SLC7A4: variants seen among roughly 807,000 people sequenced by gnomAD.
The protein encoded by SLC7A4 is cationic amino acid transporter 4.
In SLC7A4, 30 loss-of-function variants were observed where a neutral mutation model predicts 37.8. That is an observed-to-expected ratio of 0.79 (90% CI 0.59 to 1.08). SLC7A4 has a LOEUF of 1.08. SLC7A4 is among the 50% of genes least tolerant of loss of function. The pLI is 0.00. For missense variants in SLC7A4, 839 were observed against 843.2 expected (o/e 1.00, Z 0.06); for synonymous variants, 359 against 376.5 (o/e 0.95, Z 0.54).
Position 21,029,158 on chromosome 22 carries a change from G to C in SLC7A4, c.1805C>G (p.Ser602Cys). 6.2e-7 allele frequency: 1 copy of C among 1,614,028 alleles called. No homozygotes were observed. The highest frequency in any genetic ancestry group is 2.2e-5 in the East Asian group (1 of 44,880). ...CCTGGGGAATACCACGTAGTGTGTG[G>C]AGTTCAGCCCTGGCAGCTCCCGCTG... ...ENQRELPGLN[S>C]THYVVFPRGS... Residue 602 changes from serine to cysteine, a missense_variant, in exon 5 of 5, where the codon TCC becomes TGC. Transcript: ENST00000382932.
Position 21,029,096 on chromosome 22 carries a change from G to A in SLC7A4, c.1867C>T (p.Pro623Ser), listed in dbSNP as rs1179207483. ...LEETVQAMQP[P>S]SQAPAQDPGH... ...GGGTCCTGTGCTGGTGCCTGGCTGG[G>A]GGGCTGCATAGCCTGCACTGTCTCC... The change falls in exon 5 of 5, where the codon CCC (proline) becomes TCC (serine). Residue 623 changes from proline to serine, a missense_variant. By Grantham distance (74) the Pro-to-Ser change is moderately conservative (BLOSUM62 -1). Transcript: ENST00000382932. 4 of 1,612,534 alleles carry A rather than the reference G, an allele frequency of 2.5e-6. No homozygotes were observed. Among genetic ancestry groups the A allele is most frequent in the Admixed American group, 1.7e-5 (1 of 59,992 alleles).
Position 21,029,387 on chromosome 22 carries a change from G to C in SLC7A4, c.1681C>G (p.Leu561Val). The C allele has an allele frequency of 6.2e-7, 1 of 1,613,840 alleles. No individual in the cohort carries two copies. The highest frequency in any genetic ancestry group is 8.5e-7 in the Non-Finnish European group (1 of 1,179,984). The change falls in exon 4 of 5, where the codon CTG (leucine) becomes GTG (valine). Residue 561 changes from leucine to valine, a missense_variant. By Grantham distance (32) the Leu-to-Val change is conservative. Transcript: ENST00000382932. ...LSIVLNICLM[L>V]KLSYLTWVRF... ...ACCCAGGTCAGATAGCTAAGTTTCA[G>C]CATGAGGCAGATGTTGAGGACGATG... is the stretch of plus-strand genomic sequence containing the variant.
At position 21,031,771 on chromosome 22, in the gene SLC7A4, T is replaced by C. The variant is rs1928895214; in HGVS notation, c.42A>G (p.Leu14=). The C allele has an allele frequency of 6.4e-7, 1 of 1,552,114 alleles. No individual in the cohort carries two copies. The highest frequency in any genetic ancestry group is 1.4e-5 in the African/African-American group (1 of 73,074). ...GCTTCAGGCGGTTCAGCTTCTGGCA[T>C]AAGCGTGCCAGGCTAGCAATGGTGG... The part of the protein sequence containing the change: ...GLPTIASLAR[L]CQKLNRLKPL... Residue 14 remains leucine, a synonymous_variant, in exon 2 of 5, where the codon TTA becomes TTG. Coordinates refer to ENST00000382932, the MANE Select transcript of SLC7A4 (RefSeq NM_004173.3).
chr22:21,030,848 G>A lies in SLC7A4; in HGVS notation c.965C>T (p.Ala322Val), dbSNP rs779228402. 4.4e-6 allele frequency: 7 copies of A among 1,593,220 alleles called. No individual in the cohort carries two copies. Among genetic ancestry groups the A allele is most frequent in the Non-Finnish European group, 6.0e-6 (7 of 1,169,620 alleles). The stretch of plus-strand genomic sequence containing the variant: ...TCTCTCACCGCAGATGGAGCCAGCT[G>A]CCACGATGAAGCCAGCCCACCTGTA... ...RGYRWAGFIV[A>V]AGSICAMNTV... The change falls in exon 2 of 5, where the codon GCA becomes GTA. Residue 322 changes from alanine (A) to valine (V), a missense_variant. Transcript: ENST00000382932.
chr22:21,029,824 G>A lies in SLC7A4; in HGVS notation c.1510C>T (p.His504Tyr). 2 of 1,613,678 alleles carry A rather than the reference G, an allele frequency of 1.2e-6. No homozygotes were observed. Among genetic ancestry groups the A allele is most frequent in the Non-Finnish European group, 1.7e-6 (2 of 1,179,978 alleles). The part of the protein sequence containing the change: ...CVLVFGNSTL[H>Y]LPHWGYILLL... ...AGGATGTAACCCCAGTGTGGGAGGT[G>A]CAGGGTCGAGTTCCCAAAGACAAGC... is the stretch of plus-strand genomic sequence containing the variant. The change falls in exon 3 of 5, where the codon CAC (histidine) becomes TAC (tyrosine). Residue 504 changes from histidine to tyrosine, a missense_variant. Transcript: ENST00000382932.
intron 1 of SLC7A4, among the ~76,000 whole-genome samples, 185 bp downstream of exon 1, chr22:21,032,346 G>C (rs1015262675): frequency 3.3e-5 from 5 of 152,184 alleles, no homozygotes; most frequent in Non-Finnish European, 7.4e-5. Flanking sequence ...TGGCCAGGCT[G>C]GGGTATCCGC....
At position 21,029,788 on chromosome 22, in the gene SLC7A4, G is replaced by A. The variant is rs1342230813; in HGVS notation, c.1546C>T (p.Leu516Phe). The part of the protein sequence containing the change: ...PHWGYILLLL[L>F]TSVMFLLSLL... ...CTGAGCAGAAACATGACACTGGTGAGCAGGAGCAGCAGGATGTAACCCCAG... is the reference window on the plus strand; with the variant it reads ...CTGAGCAGAAACATGACACTGGTGAACAGGAGCAGCAGGATGTAACCCCAG... Residue 516 changes from leucine (L) to phenylalanine (F), a missense_variant, in exon 3 of 5, where the codon CTC becomes TTC. Transcript: ENST00000382932. The A allele has an allele frequency of 1.8e-5, 29 of 1,613,296 alleles. No homozygotes were observed. The East Asian group carries it at 6.2e-4, about 35-fold the overall frequency.
chr22:21,032,489 C>T, intron 1 of SLC7A4, 42 bp downstream of exon 1: 1 of 153,802 alleles, frequency 6.5e-6, no homozygotes, highest in Non-Finnish European at 1.4e-5. Context: ...TGGGCCTGAG[C>T]CCGTCCCAGT....
Position 21,029,059 on chromosome 22 carries a change from T to C in SLC7A4, c.1904A>G (p.Glu635Gly). 2 of 1,606,394 alleles carry C rather than the reference T, an allele frequency of 1.2e-6. No homozygotes were observed. Among genetic ancestry groups the C allele is most frequent in the Non-Finnish European group, 1.7e-6 (2 of 1,177,624 alleles). ...GGGCAAGTGTGGGCTGATCAGCTAC[T>C]CCATATGGCCAGGGTCCTGTGCTGG... ...QAPAQDPGHM[E>G] Residue 635 changes from glutamate to glycine, a missense_variant, in exon 5 of 5, where the codon GAG becomes GGG. Physicochemically the swap from Glu to Gly is moderately conservative, Grantham distance 98. Coordinates refer to ENST00000382932, the MANE Select transcript of SLC7A4 (RefSeq NM_004173.3).
In SLC7A4 at chr22:21,030,075, G is replaced by C. The variant is rs754571960; in HGVS notation, c.1259C>G (p.Pro420Arg). Residue 420 changes from proline to arginine, a missense_variant, in exon 3 of 5, where the codon CCC becomes CGC. Transcript: ENST00000382932. ...AGGGCTGGCTGGGCCTGGGGAGCTG[G>C]GCGGGGAAGACTTCTGGAAGCGCAG... is the stretch of plus-strand genomic sequence containing the variant. ...IVLRFQKSSPPSSPGPASPGP... is the reference protein window; with the variant it reads ...IVLRFQKSSPRSSPGPASPGP... The C allele has an allele frequency of 6.2e-7, 1 of 1,612,222 alleles. No homozygotes were observed. Among genetic ancestry groups the C allele is most frequent in the Non-Finnish European group, 8.5e-7 (1 of 1,179,320 alleles).
In SLC7A4 at chr22:21,031,710, G is replaced by A. The variant is rs746470718; in HGVS notation, c.103C>T (p.Arg35Cys). 1.3e-5 allele frequency: 21 copies of A among 1,612,678 alleles called. No homozygotes were observed. The highest frequency in any genetic ancestry group is 2.2e-5 in the South Asian group (2 of 91,040). Residue 35 changes from arginine (R) to cysteine (C), a missense_variant, in exon 2 of 5, where the codon CGC becomes TGC. Physicochemically the swap from Arg to Cys is radical, Grantham distance 180. Coordinates refer to ENST00000382932, the MANE Select transcript of SLC7A4 (RefSeq NM_004173.3). The part of the protein sequence containing the change: ...EDSTMETSLR[R>C]CLSTLDLTLL... ...GTCAGGTCCAGCGTGGACAGGCAGC[G>A]CCGCAGTGACGTCTCCATGGTGGAG...
Position 21,028,984 on chromosome 22 carries a change from C to A in SLC7A4, c.*71G>T. On this transcript the variant is annotated 3_prime_UTR_variant, in exon 5 of 5. Transcript: ENST00000382932. ...CCCAGGCTGCCCACAACAGAAGGGG[C>A]TCTCGGCTTGTCTGGCCTCTCTGGC... is the stretch of plus-strand genomic sequence containing the variant. 6.8e-7 allele frequency: 1 copy of A among 1,480,070 alleles called. No homozygotes were observed. The highest frequency in any genetic ancestry group is 1.3e-5 in the South Asian group (1 of 75,546). 91.7% of individuals were successfully genotyped at this position (1,480,070 alleles called of 1,614,324 possible). A position where few individuals can be genotyped will look rare whatever the true frequency, so the allele number is the denominator to read the frequency against.
In SLC7A4 at chr22:21,030,092, G is replaced by T; in HGVS notation, c.1242C>A (p.Phe414Leu). ...GGGAGCTGGGCGGGGAAGACTTCTG[G>T]AAGCGCAGCACAATGATACTGGTGG... The part of the protein sequence containing the change: ...FVATSIIVLR[F>L]QKSSPPSSPG... Residue 414 changes from phenylalanine (F) to leucine (L), a missense_variant, in exon 3 of 5, where the codon TTC (phenylalanine) becomes TTA (leucine). Phe to Leu is a conservative substitution (Grantham distance 22). Transcript: ENST00000382932. 3 of 1,612,666 alleles carry T rather than the reference G, an allele frequency of 1.9e-6. No individual in the cohort carries two copies. The South Asian group carries it at 3.3e-5, about 18-fold the overall frequency.
At position 21,030,216 on chromosome 22, in the gene SLC7A4, G is replaced by A. The variant is rs141120559; in HGVS notation, c.1118C>T (p.Ala373Val). The A allele has an allele frequency of 8.7e-5, 140 of 1,613,508 alleles. No individual in the cohort carries two copies. The highest frequency in any genetic ancestry group is 1.8e-4 in the East Asian group (8 of 44,874). ...CAGGAAGGCCGTGAGGAGCCCGAAC[G>A]CCAGGGTGCCCGCCACAGGCACCTG... Reference protein sequence around the residue: ...RTQVPVAGTLAFGLLTAFLAL... With the variant: ...RTQVPVAGTLVFGLLTAFLAL... Residue 373 changes from alanine to valine, a missense_variant, in exon 3 of 5, where the codon GCG becomes GTG. Ala to Val is a moderately conservative substitution (Grantham distance 64). Transcript: ENST00000382932.
At position 21,029,798 on chromosome 22, in the gene SLC7A4, C is replaced by T. The variant is rs760444559; in HGVS notation, c.1536G>A (p.Leu512=). 3 of 1,613,534 alleles carry T rather than the reference C, an allele frequency of 1.9e-6. No homozygotes were observed. The highest frequency in any genetic ancestry group is 2.5e-6 in the Non-Finnish European group (3 of 1,179,982). ...TLHLPHWGYI[L]LLLLTSVMFL... Reference sequence around the variant, plus strand: ...ACATGACACTGGTGAGCAGGAGCAGCAGGATGTAACCCCAGTGTGGGAGGT... The same window carrying T: ...ACATGACACTGGTGAGCAGGAGCAGTAGGATGTAACCCCAGTGTGGGAGGT... Residue 512 remains leucine, a synonymous_variant, in exon 3 of 5, where the codon CTG becomes CTA. Transcript: ENST00000382932.
chr22:21,030,121 C>T lies in SLC7A4; in HGVS notation c.1213G>A (p.Val405Met), dbSNP rs767320253. 9.9e-6 allele frequency: 16 copies of T among 1,613,310 alleles called. No individual in the cohort carries two copies. The highest frequency in any genetic ancestry group is 2.2e-5 in the South Asian group (2 of 91,024). ...SLGTLLAYTF[V>M]ATSIIVLRFQ... ...CGCAGCACAATGATACTGGTGGCCA[C>T]GAATGTGTAGGCCAGGAGTGTGCCA... Residue 405 changes from valine (V) to methionine (M), a missense_variant, in exon 3 of 5, where the codon GTG (valine) becomes ATG (methionine). Transcript: ENST00000382932.
chr22:21,029,191 T>C lies in SLC7A4; in HGVS notation c.1772A>G (p.Lys591Arg). 1 of 1,614,002 alleles carries C rather than the reference T, an allele frequency of 6.2e-7. No individual in the cohort carries two copies. Among genetic ancestry groups the C allele is most frequent in the Non-Finnish European group, 8.5e-7 (1 of 1,180,020 alleles). ...VYFGYGIRHS[K>R]ENQRELPGLN... Reference sequence around the variant, plus strand: ...CCCTGGCAGCTCCCGCTGGTTCTCCTTGCTATGCCGGATGCCATAGCCGAA... The same window carrying C: ...CCCTGGCAGCTCCCGCTGGTTCTCCCTGCTATGCCGGATGCCATAGCCGAA... The change falls in exon 5 of 5, where the codon AAG becomes AGG. Residue 591 changes from lysine (K) to arginine (R), a missense_variant. Transcript: ENST00000382932.
Position 21,030,910 on chromosome 22 carries a change from G to A in SLC7A4, c.903C>T (p.Pro301=), listed in dbSNP as rs377216630. The A allele has an allele frequency of 8.1e-6, 13 of 1,613,730 alleles. No homozygotes were observed. The highest frequency in any genetic ancestry group is 5.3e-5 in the African/African-American group (4 of 74,916). The change falls in exon 2 of 5, where the codon CCC becomes CCT. Residue 301 remains proline, a synonymous_variant. Transcript: ENST00000382932. ...AGAAGGCATCTGCAAGCGCTGAGTC[G>A]GGGTCCAGGCTGTGCCAGGGCACCA... ...TLMVPWHSLD[P]DSALADAFYQ...
Position 21,031,055 on chromosome 22 carries a change from A to C in SLC7A4, c.758T>G (p.Val253Gly). The change falls in exon 2 of 5, where the codon GTC (valine) becomes GGC (glycine). Residue 253 changes from valine (V) to glycine (G), a missense_variant. Val to Gly is a moderately radical substitution (Grantham distance 109). Coordinates refer to ENST00000382932, the MANE Select transcript of SLC7A4 (RefSeq NM_004173.3). ...GGCCTCCTCACTGGAGGCGGCAATG[A>C]CGTCGAAGCCCACGAAAGCATAGAA... is the stretch of plus-strand genomic sequence containing the variant. ...SCFYAFVGFDVIAASSEEAQN... is the reference protein window; with the variant it reads ...SCFYAFVGFDGIAASSEEAQN... 3 of 1,614,090 alleles carry C rather than the reference A, an allele frequency of 1.9e-6. No homozygotes were observed. The South Asian group carries it at 3.3e-5, about 18-fold the overall frequency.
Sources: allele counts gnomAD v4.1 joint callset (sites outside exome capture counted in the v4.1 genomes callset), GRCh38; gene constraint gnomAD v4.1.1; transcripts MANE v1.5; gene names NCBI Gene and HGNC (gene_info 2026-07-23, HGNC 2026-07-21).